The following FBXL22 variants were observed in gnomAD, a reference collection of about 807,000 sequenced individuals.
FBXL22 encodes F-box and leucine-rich protein 22.
In FBXL22, 13 loss-of-function variants were observed where a neutral mutation model predicts 11.7. The ratio of observed to expected loss-of-function variants is 1.11; its 90% CI spans 0.73 to 1.77. The LOEUF (loss-of-function observed/expected upper bound fraction) is 1.77. Among genes scored for constraint, FBXL22 ranks in the 40% most tolerant of loss-of-function variants. FBXL22 has a pLI of 0.00. For synonymous variants in FBXL22, 160 were observed against 144.1 expected, an observed-to-expected ratio of 1.11 and a Z score of -0.79; for missense variants, 406 against 320.4, an observed-to-expected ratio of 1.27 and a Z score of -2.04.
At chr15:63,598,513 C>A (rs1234824223) in intron 1 of FBXL22, among the ~76,000 whole-genome samples, 1 of 152,232 alleles carries the variant, frequency 6.6e-6, no homozygotes, top group Non-Finnish European at 1.5e-5. Context: ...TGGTCCCAGC[C>A]TCATGGGCAG....
intron 1 of FBXL22, chr15:63,599,289 C>T: frequency 6.7e-7 from 1 of 1,490,940 alleles, no homozygotes; most frequent in Non-Finnish European, 8.9e-7. Context: ...GGACAGTCCG[C>T]TCTTTGTTTT....
chr15:63,604,050 G>A (rs937204893), downstream of FBXL22, among the ~76,000 whole-genome samples: 1 of 152,142 alleles, frequency 6.6e-6, no homozygotes, highest in African/African-American at 2.4e-5. Context: ...CCAATTTCTA[G>A]TATGTTCTAT....
downstream of FBXL22, chr15:63,601,242 C>T: frequency 1.3e-6 from 2 of 1,508,692 alleles, no homozygotes; most frequent in East Asian, 4.7e-5. Flanking sequence ...TTGGAAAACA[C>T]TCGGCTGGTT....
At chr15:63,601,438 G>T, downstream of FBXL22, 2 of 1,579,232 alleles carry the variant, frequency 1.3e-6, no homozygotes, top group South Asian at 1.1e-5. Flanking sequence ...GGTGACGGGG[G>T]CCAGGGCTGC....
chr15:63,601,621 T>A (rs748090410), downstream of FBXL22: 6 of 1,601,712 alleles, frequency 3.7e-6, 1 homozygote, highest in South Asian at 6.7e-5. Flanking sequence ...CGCTCCTCCT[T>A]GCGGTTTTGC....
At chr15:63,599,885 G>A (rs1294652454) in intron 1 of FBXL22, 2 of 985,718 alleles carry the variant, frequency 2.0e-6, no homozygotes, top group East Asian at 2.3e-4. Flanking sequence ...CACAACCCCA[G>A]TGGTAGACAT....
At position 63,597,454 on chromosome 15, in the gene FBXL22, TCTC is replaced by T. The variant is rs757568276; in HGVS notation, c.65_67del (p.Ser22del). 8.7e-6 allele frequency: 14 copies of T among 1,613,876 alleles called. No individual in the cohort carries two copies. The highest frequency in any genetic ancestry group is 1.6e-4 in the Middle Eastern group (1 of 6,084). On this transcript the variant is annotated inframe_deletion, in exon 1 of 2. Transcript: ENST00000638704. The surrounding 1 kb of genome is among the most constrained non-coding windows in gnomAD (Gnocchi z 4.3). The stretch of plus-strand genomic sequence containing the variant: ...AACCGGGAGTGCCTGCTGCACCTCT[TCTC>T]CTTCCTAGACAAGGACAGCAGGAAG...
Position 63,599,697 on chromosome 15 carries a change from G to A in FBXL22, c.354-1000G>A, listed in dbSNP as rs796730950. The A allele has an allele frequency of 1.5e-5, 15 of 987,160 alleles. No homozygotes were observed. In the African/African-American group the frequency reaches 2.6e-4, roughly 17 times the overall value. The allele number at this position is 987,160 out of a possible 1,614,324, so 61.2% of individuals were successfully genotyped here. A position where few individuals can be genotyped will look rare whatever the true frequency, so the allele number is the denominator to read the frequency against. On this transcript the variant is annotated intron_variant, in intron 1 of 1. Coordinates refer to ENST00000638704, the MANE Select transcript of FBXL22 (RefSeq NM_001367807.1). ...CCAGGGGCAGTCACGGAGCTGCGGGGGAGGCTGGCAGGGAAAGGGAAACGC... is the reference window on the plus strand; with the variant it reads ...CCAGGGGCAGTCACGGAGCTGCGGGAGAGGCTGGCAGGGAAAGGGAAACGC...
At chr15:63,600,454 C>A (rs188022622) in intron 1 of FBXL22, 5 of 1,213,744 alleles carry the variant, frequency 4.1e-6, no homozygotes, top group Non-Finnish European at 4.1e-6. Flanking sequence ...CCACTAGGGG[C>A]TCCCAAGGCT....
the FBXL22 span, among the ~76,000 whole-genome samples, chr15:63,607,472 A>C: frequency 6.6e-6 from 1 of 152,244 alleles, no homozygotes. Context: ...ATCTTTACCC[A>C]GAACTCCTGG....
chr15:63,599,209 G>A (rs759348998), intron 1 of FBXL22: 4 of 1,535,778 alleles, frequency 2.6e-6, no homozygotes, highest in African/African-American at 2.7e-5. Flanking sequence ...ACTGATGAAC[G>A]TCTACTGAAT....
chr15:63,598,932 G>C (rs1327080626), intron 1 of FBXL22, among the ~76,000 whole-genome samples: 5 of 152,168 alleles, frequency 3.3e-5, no homozygotes, highest in Non-Finnish European at 1.5e-5. Flanking sequence ...AGAGAACCGA[G>C]CTTAATGCCC....
chr15:63,599,225 T>A, intron 1 of FBXL22: 3 of 1,535,830 alleles, frequency 2.0e-6, no homozygotes, highest in Non-Finnish European at 2.6e-6. Flanking sequence ...TGAATCTGGT[T>A]CTTCTGGCAC....
Position 63,600,966 on chromosome 15 carries a change from C to A in FBXL22, c.623C>A (p.Ala208Asp). 4 of 1,193,748 alleles carry A rather than the reference C, an allele frequency of 3.4e-6. No individual in the cohort carries two copies. The highest frequency in any genetic ancestry group is 4.2e-6 in the Non-Finnish European group (4 of 963,644). The allele number at this position is 1,193,748 out of a possible 1,614,324, so 73.9% of individuals were successfully genotyped here. The change falls in exon 2 of 2, where the codon GCC (alanine) becomes GAC (aspartate). Residue 208 changes from alanine to aspartate, a missense_variant. By Grantham distance (126) the Ala-to-Asp change is moderately radical. Coordinates refer to ENST00000638704, the MANE Select transcript of FBXL22 (RefSeq NM_001367807.1). Reference protein sequence around the residue: ...PRLALRAEHSAAMLPDQPPRP... With the variant: ...PRLALRAEHSDAMLPDQPPRP... Reference sequence around the variant, plus strand: ...CTGGCCCTGCGGGCAGAGCACAGCGCCGCCATGCTGCCCGACCAGCCCCCG... The same window carrying A: ...CTGGCCCTGCGGGCAGAGCACAGCGACGCCATGCTGCCCGACCAGCCCCCG...
rs796317935 is a variant in FBXL22 at position 63,600,876 on chromosome 15, A to C, written c.533A>C (p.His178Pro). Residue 178 changes from histidine (H) to proline (P), a missense_variant, in exon 2 of 2, where the codon CAC becomes CCC. Coordinates refer to ENST00000638704, the MANE Select transcript of FBXL22 (RefSeq NM_001367807.1). ...GACGGGCGCGCGCTGCAGACATTGC[A>C]CGTGGACTTCTGCCGCAACGTGAGC... Reference protein sequence around the residue: ...AADGRALQTLHVDFCRNVSAA... With the variant: ...AADGRALQTLPVDFCRNVSAA... The C allele has an allele frequency of 5.1e-4, 625 of 1,227,166 alleles. 1 individual carries two copies. The highest frequency in any genetic ancestry group is 2.8e-3 in the South Asian group (69 of 24,282). 76.0% of individuals were successfully genotyped at this position (1,227,166 alleles called of 1,614,324 possible). A position where few individuals can be genotyped will look rare whatever the true frequency, so the allele number is the denominator to read the frequency against.
rs1407636411 is a variant in FBXL22, at chr15:63,600,881, G to C, written c.538G>C (p.Asp180His). The change falls in exon 2 of 2, where the codon GAC (aspartate) becomes CAC (histidine). Residue 180 changes from aspartate (D) to histidine (H), a missense_variant. Coordinates refer to ENST00000638704, the MANE Select transcript of FBXL22 (RefSeq NM_001367807.1). ...DGRALQTLHV[D>H]FCRNVSAAGL... ...GCGCGCGCTGCAGACATTGCACGTG[G>C]ACTTCTGCCGCAACGTGAGCGCGGC... The C allele has an allele frequency of 8.2e-7, 1 of 1,226,522 alleles. No homozygotes were observed. The highest frequency in any genetic ancestry group is 3.2e-5 in the East Asian group (1 of 31,536). The allele number at this position is 1,226,522 out of a possible 1,614,324, so 76.0% of individuals were successfully genotyped here. A position where few individuals can be genotyped will look rare whatever the true frequency, so the allele number is the denominator to read the frequency against.
downstream of FBXL22, chr15:63,601,704 G>C (rs377407650): frequency 7.1e-5 from 114 of 1,599,428 alleles, no homozygotes; most frequent in Middle Eastern, 5.0e-4. Context: ...CGCGATTGTA[G>C]AAAATTCGCT....
chr15:63,607,329 G>A (rs2067426873), downstream of FBXL22, among the ~76,000 whole-genome samples: 1 of 152,230 alleles, frequency 6.6e-6, no homozygotes, highest in Non-Finnish European at 1.5e-5. Context: ...ACAGGCGTGA[G>A]CCTTTCTTTT....
chr15:63,600,152 A>C, intron 1 of FBXL22: 1 of 985,794 alleles, frequency 1.0e-6, no homozygotes, highest in South Asian at 4.7e-5. Context: ...GCTCTAGTCT[A>C]CTAAGCTGAA....
Sources: allele counts gnomAD v4.1 joint callset (sites outside exome capture counted in the v4.1 genomes callset), GRCh38; gene constraint gnomAD v4.1.1; non-coding constraint Gnocchi (gnomAD v3.1); transcripts MANE v1.5; gene names NCBI Gene and HGNC (gene_info 2026-07-23, HGNC 2026-07-21).